Variants in TBCK observed in about 807,000 individuals in gnomAD.
TBCK encodes the protein TBC1 domain containing kinase, also known as TBC domain-containing protein kinase-like protein.
A neutral mutation model predicts 113.4 loss-of-function variants in TBCK; 99 were observed. The ratio of observed to expected loss-of-function variants is 0.87; its 90% CI spans 0.74 to 1.03. The LOEUF is 1.03. Ranked by LOEUF, TBCK falls within the 50% of genes least tolerant of loss-of-function variation. The pLI is 0.00. For missense variants in TBCK, 1,045 were observed against 1,061.3 expected (o/e 0.98, Z 0.21); for synonymous variants, 369 against 370.8 (o/e 1.00, Z 0.05).
chr4:106,181,842 G>A (rs1303050754), intron 22 of TBCK, among the ~76,000 whole-genome samples: 1 of 152,110 alleles, frequency 6.6e-6, no homozygotes, highest in Admixed American at 6.6e-5. Flanking sequence ...GATTGTGTTG[G>A]CTATGTGGGC....
intron 24 of TBCK, among the ~76,000 whole-genome samples, chr4:106,113,915 A>G (rs569058577): frequency 6.6e-6 from 1 of 152,210 alleles, no homozygotes; most frequent in Non-Finnish European, 1.5e-5. Flanking sequence ...TTCTAACAAC[A>G]CGACTGCTTG....
At chr4:106,064,593 T>G (rs575239154) in intron 25 of TBCK, among the ~76,000 whole-genome samples, 2 of 152,070 alleles carry the variant, frequency 1.3e-5, no homozygotes, top group African/African-American at 4.8e-5. Context: ...TCCTCCAGTT[T>G]CTTTTGTAGA....
At chr4:106,125,267 G>A (rs1745048867) in intron 23 of TBCK, among the ~76,000 whole-genome samples, 1 of 152,064 alleles carries the variant, frequency 6.6e-6, no homozygotes, top group South Asian at 2.1e-4. Context: ...GAAGAAATAT[G>A]CACTCCCATG....
intron 25 of TBCK, among the ~76,000 whole-genome samples, chr4:106,067,825 C>T (rs1027389716): frequency 6.6e-6 from 1 of 152,068 alleles, no homozygotes; most frequent in African/African-American, 2.4e-5. Flanking sequence ...TATTTCTGGG[C>T]TCTCAATTTA....
At chr4:106,151,527 C>T (rs192339928) in intron 23 of TBCK, among the ~76,000 whole-genome samples, 161 of 152,004 alleles carry the variant, frequency 1.1e-3, no homozygotes, top group African/African-American at 1.9e-3. Context: ...TCTGTGTTGT[C>T]GCAAATGACA....
intron 1 of TBCK, among the ~76,000 whole-genome samples, chr4:106,311,688 T>A (rs1041886505): frequency 6.3e-4 from 96 of 152,170 alleles, no homozygotes; most frequent in Admixed American, 6.3e-3. Context: ...TGGGTGTTCA[T>A]GTTATCATTA....
At chr4:106,072,264 T>C (rs1737556010) in intron 25 of TBCK, among the ~76,000 whole-genome samples, 1 of 152,248 alleles carries the variant, frequency 6.6e-6, no homozygotes, top group African/African-American at 2.4e-5. Flanking sequence ...TAGTGCTTCC[T>C]TTAGGGGCTC....
intron 24 of TBCK, among the ~76,000 whole-genome samples, chr4:106,103,755 A>G (rs1272576422): frequency 6.6e-6 from 1 of 152,206 alleles, no homozygotes; most frequent in East Asian, 1.9e-4. Flanking sequence ...GCTCTCATGG[A>G]GAAAAACAGA....
At chr4:106,258,346 A>T (rs533893816) in intron 5 of TBCK, among the ~76,000 whole-genome samples, 1 of 152,158 alleles carries the variant, frequency 6.6e-6, no homozygotes, top group East Asian at 1.9e-4. Flanking sequence ...AGATGGTAAC[A>T]TTTTACTTTG....
intron 2 of TBCK, among the ~76,000 whole-genome samples, chr4:106,299,844 A>G (rs1235973526): frequency 6.6e-6 from 1 of 152,250 alleles, no homozygotes; most frequent in East Asian, 1.9e-4. Context: ...TTTAAAGAGT[A>G]GAATATACAA....
chr4:106,160,404 C>T (rs879032769), intron 23 of TBCK, among the ~76,000 whole-genome samples: 1 of 151,568 alleles, frequency 6.6e-6, no homozygotes, highest in Non-Finnish European at 1.5e-5. Flanking sequence ...ATATAGAGAA[C>T]TCCTAAAACT....
chr4:106,220,851 T>C (rs1226152305), intron 19 of TBCK, among the ~76,000 whole-genome samples: 1 of 152,180 alleles, frequency 6.6e-6, no homozygotes, highest in East Asian at 1.9e-4. Flanking sequence ...CAATTAGTGG[T>C]GGTGTGTTTG....
intron 2 of TBCK, among the ~76,000 whole-genome samples, chr4:106,305,974 T>C (rs1767473501): frequency 1.3e-5 from 2 of 152,186 alleles, no homozygotes; most frequent in Non-Finnish European, 2.9e-5. Context: ...CAGCAGCCCT[T>C]GGGGCTACTC....
intron 1 of TBCK, chr4:106,310,220 C>A (rs1241559508): frequency 6.6e-6 from 1 of 152,040 alleles, no homozygotes; most frequent in Non-Finnish European, 1.5e-5. Flanking sequence ...AACGTATAAA[C>A]CCTTAACAAG....
chr4:106,148,932 A>G (rs1229097222), intron 23 of TBCK, among the ~76,000 whole-genome samples: 3 of 152,338 alleles, frequency 2.0e-5, no homozygotes, highest in East Asian at 1.9e-4. Context: ...CTTCGTCTAC[A>G]TTGAAAATCT....
intron 24 of TBCK, among the ~76,000 whole-genome samples, chr4:106,111,291 C>A (rs1278883369): frequency 6.6e-6 from 1 of 152,234 alleles, no homozygotes; most frequent in Non-Finnish European, 1.5e-5. Flanking sequence ...GAGACTTTTG[C>A]ATGACTTACG....
At chr4:106,205,403 G>A (rs1755359867) in intron 20 of TBCK, among the ~76,000 whole-genome samples, 1 of 151,852 alleles carries the variant, frequency 6.6e-6, no homozygotes, top group South Asian at 2.1e-4. Flanking sequence ...AACAGAGTAT[G>A]AGAAGTTCAC....
chr4:106,181,089 G>T (rs1752317759), intron 22 of TBCK, among the ~76,000 whole-genome samples: 1 of 152,090 alleles, frequency 6.6e-6, no homozygotes, highest in Non-Finnish European at 1.5e-5. Context: ...GTCTCATTGT[G>T]GTTTTGATTT....
At chr4:106,110,979 G>A (rs1742781964) in intron 24 of TBCK, among the ~76,000 whole-genome samples, 1 of 132,698 alleles carries the variant, frequency 7.5e-6, no homozygotes, top group African/African-American at 3.0e-5. Flanking sequence ...TTCTTTTAAT[G>A]CTTATAAAGA....
Sources: allele counts gnomAD v4.1 joint callset (sites outside exome capture counted in the v4.1 genomes callset), GRCh38; gene constraint gnomAD v4.1.1; transcripts MANE v1.5; gene names NCBI Gene and HGNC (gene_info 2026-07-23, HGNC 2026-07-21).